The following ADAMTSL1 variants were observed in gnomAD, a reference collection of about 807,000 sequenced individuals.
ADAMTSL1 encodes the protein ADAMTS like 1.
ADAMTSL1 carries 126 observed loss-of-function variants against 201.8 expected under a neutral mutation model. The ratio of observed to expected loss-of-function variants is 0.62; its 90% CI spans 0.54 to 0.72. The LOEUF is 0.72. Among genes scored for constraint, ADAMTSL1 ranks in the 30% least tolerant of loss-of-function variants. The pLI, the probability that ADAMTSL1 is intolerant of heterozygous loss-of-function variation, is 0.00. For synonymous variants in ADAMTSL1, 1,121 were observed against 903.4 expected (o/e 1.24, Z -4.32); for missense variants, 2,679 against 2,277.8 (o/e 1.18, Z -3.59).
intron 1 of ADAMTSL1, among the ~76,000 whole-genome samples, chr9:17,975,120 T>C (rs1818392336): frequency 6.6e-6 from 1 of 152,096 alleles, no homozygotes; most frequent in African/African-American, 2.4e-5. Context: ...AGTCGTGATG[T>C]CAAGCATCTT....
At chr9:18,502,964 T>C (rs1822920096) in intron 1 of ADAMTSL1, among the ~76,000 whole-genome samples, 1 of 152,112 alleles carries the variant, frequency 6.6e-6, no homozygotes, top group South Asian at 2.1e-4. Context: ...GCTTATACAA[T>C]GTAGTGTTTA....
intron 4 of ADAMTSL1, among the ~76,000 whole-genome samples, chr9:18,575,960 G>A (rs1055756028): frequency 6.6e-6 from 1 of 152,104 alleles, no homozygotes; most frequent in African/African-American, 2.4e-5. Flanking sequence ...CTGCCAGCAG[G>A]CCTCATGGTA....
chr9:18,271,564 C>G (rs1168012451), intron 2 of ADAMTSL1, among the ~76,000 whole-genome samples: 2 of 152,134 alleles, frequency 1.3e-5, no homozygotes, highest in Non-Finnish European at 2.9e-5. Flanking sequence ...TTTTCTTAAT[C>G]CAGTCTAACA....
At chr9:18,279,242 A>AT (rs1303383510) in intron 2 of ADAMTSL1, among the ~76,000 whole-genome samples, 1 of 152,128 alleles carries the variant, frequency 6.6e-6, no homozygotes, top group East Asian at 1.9e-4. Context: ...ACCTACATGT[A>AT]TAAAAGTCAG....
intron 1 of ADAMTSL1, among the ~76,000 whole-genome samples, chr9:18,092,368 T>A (rs1824062961): frequency 6.6e-6 from 1 of 152,068 alleles, no homozygotes; most frequent in East Asian, 1.9e-4. Flanking sequence ...TCATAAAGAA[T>A]GAGTAGAAAG....
chr9:18,740,492 T>TTTTTTG (rs1564195525), intron 15 of ADAMTSL1, among the ~76,000 whole-genome samples: 1 of 140,432 alleles, frequency 7.1e-6, no homozygotes, highest in Non-Finnish European at 1.5e-5. Flanking sequence ...TTTTTTTTTT[T>TTTTTTG]TTTGAGAGGA....
At chr9:17,930,047 A>G (rs1453443092) in intron 1 of ADAMTSL1, among the ~76,000 whole-genome samples, 11 of 152,224 alleles carry the variant, frequency 7.2e-5, no homozygotes, top group Admixed American at 7.2e-4. Context: ...GTGAATGTAT[A>G]CATTATTAAT....
intron 13 of ADAMTSL1, among the ~76,000 whole-genome samples, chr9:18,705,224 A>G (rs964900692): frequency 6.6e-6 from 1 of 152,234 alleles, no homozygotes; most frequent in Non-Finnish European, 1.5e-5. Context: ...ATTGTCTGCC[A>G]AAGTCAAGGT....
In ADAMTSL1 at chr9:18,450,897, T is replaced by C. The variant is rs191155933; in HGVS notation, c.208-53932T>C. ...TGCTTCTAAAGCCATGCTTTGCTTT[T>C]ACAAAAAAATTGTATAAAACAGGGA... On this transcript the variant is annotated intron_variant, in intron 2 of 29. Transcript: ENST00000680146. Among the ~76,000 whole-genome samples the C allele has an allele frequency of 6.6e-5, 10 of 152,306 alleles. No individual in the cohort carries two copies. The East Asian group carries it at 1.9e-3, about 29-fold the overall frequency.
At chr9:18,326,841 C>A (rs536475565) in intron 2 of ADAMTSL1, among the ~76,000 whole-genome samples, 1 of 152,232 alleles carries the variant, frequency 6.6e-6, no homozygotes, top group Admixed American at 6.5e-5. Context: ...GAGAATGTCT[C>A]TAATATAAGG....
chr9:18,033,187 A>G (rs1211872789), intron 1 of ADAMTSL1, among the ~76,000 whole-genome samples: 2 of 152,162 alleles, frequency 1.3e-5, no homozygotes, highest in Admixed American at 6.5e-5. Flanking sequence ...GATAATTATG[A>G]ATTGTTTTTC....
chr9:17,953,123 C>G (rs12380524), intron 1 of ADAMTSL1, among the ~76,000 whole-genome samples: 1 of 151,968 alleles, frequency 6.6e-6, no homozygotes, highest in Non-Finnish European at 1.5e-5. Flanking sequence ...ATGGAGAAAG[C>G]TTTGTCACAT....
At chr9:18,444,517 C>T (rs570152861) in intron 2 of ADAMTSL1, among the ~76,000 whole-genome samples, 18 of 152,136 alleles carry the variant, frequency 1.2e-4, no homozygotes, top group Admixed American at 2.6e-4. Context: ...CTAGACTCTA[C>T]TATTTTGAAT....
intron 1 of ADAMTSL1, among the ~76,000 whole-genome samples, chr9:18,042,597 T>G (rs1344170172): frequency 6.6e-6 from 1 of 152,158 alleles, no homozygotes; most frequent in Non-Finnish European, 1.5e-5. Context: ...CTCTGTTTAG[T>G]CAGGATCAAA....
intron 2 of ADAMTSL1, among the ~76,000 whole-genome samples, chr9:18,223,719 C>T (rs951059220): frequency 6.6e-6 from 1 of 151,980 alleles, no homozygotes; most frequent in Non-Finnish European, 1.5e-5. Context: ...CCTGAAAATT[C>T]TAGTATATGC....
chr9:18,267,502 G>A (rs996501512), intron 2 of ADAMTSL1, among the ~76,000 whole-genome samples: 2 of 152,032 alleles, frequency 1.3e-5, no homozygotes, highest in African/African-American at 4.8e-5. Context: ...TAAAATTTGT[G>A]CATTACCATG....
Position 18,595,762 on chromosome 9 carries a change from A to C in ADAMTSL1, c.474+21496A>C, listed in dbSNP as rs190804483. ...CACAGTTCTTTCTGGACCCCTTGGC[A>C]GATGATTTTGGTTGTAGGCTTAAGG... is the stretch of plus-strand genomic sequence containing the variant. On this transcript the variant is annotated intron_variant, in intron 4 of 28. Coordinates refer to ENST00000380548, the MANE Select transcript of ADAMTSL1 (RefSeq NM_001040272.6). Among the ~76,000 whole-genome samples the C allele has an allele frequency of 3.9e-4, 59 of 152,362 alleles. No individual in the cohort carries two copies. In the East Asian group the frequency reaches 0.011, roughly 29 times the overall value.
At chr9:18,671,199 G>A (rs1829788610) in intron 9 of ADAMTSL1, among the ~76,000 whole-genome samples, 1 of 152,174 alleles carries the variant, frequency 6.6e-6, no homozygotes, top group Admixed American at 6.5e-5. Context: ...TAAAAGTGAG[G>A]AGAGGAGTTA....
intron 24 of ADAMTSL1, among the ~76,000 whole-genome samples, chr9:18,888,273 C>T (rs1430023920): frequency 6.6e-6 from 1 of 152,188 alleles, no homozygotes; most frequent in Non-Finnish European, 1.5e-5. Context: ...GTGCTGCCTT[C>T]ATAAATAGGC....
Sources: allele counts gnomAD v4.1 joint callset (sites outside exome capture counted in the v4.1 genomes callset), GRCh38; gene constraint gnomAD v4.1.1; transcripts MANE v1.5; gene names NCBI Gene and HGNC (gene_info 2026-07-23, HGNC 2026-07-21).